Variants in ZDHHC14 observed in about 807,000 individuals in gnomAD.
The protein encoded by ZDHHC14 is zDHHC palmitoyltransferase 14.
A neutral mutation model predicts 47.7 loss-of-function variants in ZDHHC14; 16 were observed. The observed-to-expected ratio is 0.34, with a 90% CI of 0.23 to 0.51. ZDHHC14 has a LOEUF of 0.51. Among genes scored for constraint, ZDHHC14 ranks in the 20% least tolerant of loss-of-function variants. ZDHHC14 has a pLI of 0.97. For synonymous variants in ZDHHC14, 293 were observed against 278.9 expected, an observed-to-expected ratio of 1.05 and a Z score of -0.50; for missense variants, 515 against 662.5, an observed-to-expected ratio of 0.78 and a Z score of 2.44.
intron 3 of ZDHHC14, among the ~76,000 whole-genome samples, chr6:157,598,024 T>TA (rs1451059501): frequency 6.6e-6 from 1 of 152,250 alleles, no homozygotes; most frequent in Non-Finnish European, 1.5e-5. Flanking sequence ...GACTGCATCT[T>TA]ACTGCACACT....
chr6:157,588,356 G>A (rs1783773222), intron 2 of ZDHHC14, among the ~76,000 whole-genome samples: 2 of 152,314 alleles, frequency 1.3e-5, no homozygotes, highest in South Asian at 4.1e-4. Context: ...CAGCTTGGGA[G>A]GCTGAGGTGG....
intron 3 of ZDHHC14, among the ~76,000 whole-genome samples, chr6:157,627,982 C>T (rs900978853): frequency 6.6e-6 from 1 of 152,184 alleles, no homozygotes; most frequent in East Asian, 1.9e-4. Flanking sequence ...TACCATCAGG[C>T]GGTGTTGGTT....
chr6:157,483,161 C>A (rs747575212), intron 1 of ZDHHC14, among the ~76,000 whole-genome samples: 6 of 152,206 alleles, frequency 3.9e-5, no homozygotes, highest in Non-Finnish European at 8.8e-5. Flanking sequence ...CTCTGGGCAG[C>A]ATTTTGATGT....
chr6:157,533,024 G>GA (rs1351139294), intron 1 of ZDHHC14, among the ~76,000 whole-genome samples: 1 of 152,146 alleles, frequency 6.6e-6, no homozygotes, highest in East Asian at 1.9e-4. Flanking sequence ...CACATATGCA[G>GA]AAAATCACCC....
intron 8 of ZDHHC14, among the ~76,000 whole-genome samples, chr6:157,666,415 GA>G (rs567005614): frequency 2.6e-5 from 4 of 151,902 alleles, no homozygotes; most frequent in Non-Finnish European, 4.4e-5. Context: ...AATGTAGTAG[GA>G]AAAAAAATAA....
rs1410910568 is a variant in ZDHHC14, at chr6:157,523,752, T to A, written c.246-18833T>A. Among the ~76,000 whole-genome samples the A allele has an allele frequency of 8.7e-5, 13 of 148,916 alleles. No individual in the cohort carries two copies. In the East Asian group the frequency reaches 1.8e-3, roughly 20 times the overall value. ...ACAAAAAAAAAAAAAAGGAAAAAAATTAGCCAGGGACAGTTGTGCGTGCCT... is the reference window on the plus strand; with the variant it reads ...ACAAAAAAAAAAAAAAGGAAAAAAAATAGCCAGGGACAGTTGTGCGTGCCT... On this transcript the variant is annotated intron_variant, in intron 1 of 8. Transcript: ENST00000359775.
chr6:157,503,446 C>A (rs552406959), intron 1 of ZDHHC14, among the ~76,000 whole-genome samples: 14 of 152,342 alleles, frequency 9.2e-5, no homozygotes, highest in Non-Finnish European at 1.8e-4. Context: ...TTCCCTTAGA[C>A]TATCCATGCC....
At chr6:157,477,207 C>G (rs984862654) in intron 1 of ZDHHC14, among the ~76,000 whole-genome samples, 1 of 152,144 alleles carries the variant, frequency 6.6e-6, no homozygotes, top group Non-Finnish European at 1.5e-5. Flanking sequence ...TGGTGAAACC[C>G]CGTCTCTACT....
At chr6:157,567,219 G>A (rs1316704561) in intron 2 of ZDHHC14, among the ~76,000 whole-genome samples, 1 of 152,106 alleles carries the variant, frequency 6.6e-6, no homozygotes, top group Admixed American at 6.5e-5. Flanking sequence ...AAACTGTCTT[G>A]TCAAGCTGGG....
chr6:157,428,636 C>T (rs567244149), intron 1 of ZDHHC14, among the ~76,000 whole-genome samples: 13 of 151,424 alleles, frequency 8.6e-5, no homozygotes, highest in African/African-American at 1.2e-4. Flanking sequence ...CGCCCCACCC[C>T]GCCCCTAGCC....
chr6:157,499,582 C>T (rs1197783084), intron 1 of ZDHHC14, among the ~76,000 whole-genome samples: 1 of 151,930 alleles, frequency 6.6e-6, no homozygotes, highest in Admixed American at 6.6e-5. Flanking sequence ...GGTTTGAGAC[C>T]GTCAGTCCAG....
intron 7 of ZDHHC14, among the ~76,000 whole-genome samples, chr6:157,650,848 C>T (rs1777797779): frequency 6.6e-6 from 1 of 152,192 alleles, no homozygotes; most frequent in South Asian, 2.1e-4. Flanking sequence ...TGTCTCCCCA[C>T]CAGCTTGCTG....
chr6:157,558,872 G>C (rs888798001), intron 2 of ZDHHC14, among the ~76,000 whole-genome samples: 5 of 152,128 alleles, frequency 3.3e-5, no homozygotes, highest in African/African-American at 1.2e-4. Context: ...CTTTCTAGGG[G>C]AGAAGCATCT....
intron 1 of ZDHHC14, among the ~76,000 whole-genome samples, chr6:157,400,592 C>T (rs1309073698): frequency 6.6e-6 from 1 of 152,130 alleles, no homozygotes; most frequent in African/African-American, 2.4e-5. Context: ...GATTTCATGA[C>T]CCACAACCTG....
chr6:157,422,511 A>G (rs1778131893), intron 1 of ZDHHC14, among the ~76,000 whole-genome samples: 2 of 152,308 alleles, frequency 1.3e-5, no homozygotes, highest in South Asian at 2.1e-4. Flanking sequence ...CCGGGAAGCA[A>G]TCAGCTCTGA....
At chr6:157,437,426 C>T (rs937962788) in intron 1 of ZDHHC14, among the ~76,000 whole-genome samples, 1 of 152,184 alleles carries the variant, frequency 6.6e-6, no homozygotes, top group Non-Finnish European at 1.5e-5. Flanking sequence ...GGCAGGCTGT[C>T]GCCCTGTTCT....
intron 1 of ZDHHC14, among the ~76,000 whole-genome samples, chr6:157,493,237 G>A (rs968826950): frequency 1.3e-5 from 2 of 152,238 alleles, no homozygotes; most frequent in African/African-American, 4.8e-5. Context: ...AGTCAAGGAT[G>A]AAAGGGGGAG....
At chr6:157,404,319 G>T (rs1777701451) in intron 1 of ZDHHC14, among the ~76,000 whole-genome samples, 1 of 152,098 alleles carries the variant, frequency 6.6e-6, no homozygotes, top group Non-Finnish European at 1.5e-5. Context: ...GTTTTTCGTA[G>T]AGGTGGGGTT....
At chr6:157,522,744 C>T (rs1289281673) in intron 1 of ZDHHC14, among the ~76,000 whole-genome samples, 2 of 27,368 alleles carry the variant, frequency 7.3e-5, no homozygotes, top group African/African-American at 6.5e-4. Flanking sequence ...TCCCTCCCTC[C>T]CTTTCTTCCT....
Sources: gnomAD v4.1 joint callset for allele counts (sites outside exome capture counted in the v4.1 genomes callset) on GRCh38, gnomAD v4.1.1 for gene constraint, MANE v1.5 for transcripts, NCBI Gene and HGNC (gene_info 2026-07-23, HGNC 2026-07-21) for gene names.